The following RNF38 variants were observed in gnomAD, a reference collection of about 807,000 sequenced individuals.
The protein encoded by RNF38 is ring finger protein 38, also known as E3 ubiquitin-protein ligase RNF38.
A neutral mutation model predicts 67.2 loss-of-function variants in RNF38; 15 were observed. The ratio of observed to expected loss-of-function variants is 0.22; its 90% confidence interval spans 0.15 to 0.34. The LOEUF is 0.34. RNF38 is among the 10% of genes least tolerant of loss of function. RNF38 has a pLI of 1.00. For missense variants in RNF38, 524 were observed against 639.9 expected (o/e 0.82, Z 1.95); for synonymous variants, 220 against 218.8 (o/e 1.01, Z -0.05).
intron 5 of RNF38, among the ~76,000 whole-genome samples, 161 bp downstream of exon 5, chr9:36,357,614 T>C (rs982958676): frequency 2.6e-5 from 4 of 152,242 alleles, no homozygotes; most frequent in African/African-American, 7.2e-5. Flanking sequence ...ATTGGCCTTT[T>C]TACTTGAAAG....
At position 36,336,535 on chromosome 9, in the gene RNF38, T is replaced by G. The variant is rs1832452405; in HGVS notation, c.*3217A>C. The G allele has an allele frequency of 6.6e-6, 1 of 152,608 alleles. No homozygotes were observed. Among genetic ancestry groups the G allele is most frequent in the South Asian group, 2.1e-4 (1 of 4,832 alleles). The allele number at this position is 152,608 out of a possible 1,614,324, so 9.5% of individuals were successfully genotyped here. On this transcript the variant is annotated 3_prime_UTR_variant, in exon 12 of 12. Transcript: ENST00000259605. ...ACTTTCATAAAAAATGTACAAACTT[T>G]GTTAAAAATTTATCAAGCCTTCAAA...
intron 8 of RNF38, among the ~76,000 whole-genome samples, chr9:36,351,694 C>T (rs1481413448): frequency 6.6e-6 from 1 of 152,148 alleles, no homozygotes; most frequent in Non-Finnish European, 1.5e-5. Flanking sequence ...GTAACGTAAG[C>T]ACGTGGCCTT....
At chr9:36,378,726 C>A (rs1012209025) in intron 2 of RNF38, among the ~76,000 whole-genome samples, 11 of 152,028 alleles carry the variant, frequency 7.2e-5, no homozygotes, top group African/African-American at 2.7e-4. Flanking sequence ...AAATTGTGGG[C>A]TAAAAATGTT....
rs1015824315 is a variant in RNF38 at position 36,483,242 on chromosome 9, C to T, written n.241+4066G>A. Among the ~76,000 whole-genome samples the T allele has an allele frequency of 1.3e-5, 2 of 152,036 alleles. 1 individual carries two copies. Among genetic ancestry groups the T allele is most frequent in the South Asian group, 4.2e-4 (2 of 4,814 alleles). ...CTCTACTAAAAATATGAAAATTATC[C>T]GGGCATGGTGGCAGGCACCTGTAAT... On this transcript the variant is annotated intron_variant and non_coding_transcript_variant, in intron 1 of 3. Transcript: ENST00000488058.
Position 36,356,350 on chromosome 9 carries a change from G to A in RNF38, c.862C>T (p.Pro288Ser). The change falls in exon 6 of 12, where the codon CCA becomes TCA. Residue 288 changes from proline to serine, a missense_variant. Physicochemically the swap from Pro to Ser is moderately conservative, Grantham distance 74 (BLOSUM62 -1). Coordinates refer to ENST00000259605, the MANE Select transcript of RNF38 (RefSeq NM_022781.5). ...AAAGGGACAAACTGGCCTGGTGGTGGCAAATGAGGAGGATGATGGGGAGAA... is the reference window on the plus strand; with the variant it reads ...AAAGGGACAAACTGGCCTGGTGGTGACAAATGAGGAGGATGATGGGGAGAA... Reference protein sequence around the residue: ...HLSPHHPPHLPPPGQFVPFQT... With the variant: ...HLSPHHPPHLSPPGQFVPFQT... The A allele has an allele frequency of 1.2e-6, 2 of 1,614,032 alleles. No homozygotes were observed. The highest frequency in any genetic ancestry group is 1.3e-5 in the African/African-American group (1 of 75,018).
At chr9:36,441,872 TAAGA>T (rs1173069657) in intron 1 of RNF38, among the ~76,000 whole-genome samples, 2 of 152,196 alleles carry the variant, frequency 1.3e-5, no homozygotes, top group Non-Finnish European at 2.9e-5. Context: ...TGACAACTTC[TAAGA>T]AAGATTATTT....
In RNF38 at chr9:36,353,188, C is replaced by T. The variant is rs1833830878; in HGVS notation, c.1053G>A (p.Gln351=). 2 of 1,613,866 alleles carry T rather than the reference C, an allele frequency of 1.2e-6. No individual in the cohort carries two copies. The highest frequency in any genetic ancestry group is 1.3e-5 in the African/African-American group (1 of 74,882). ...AACTTACTACTCCAAAGGACACCTC[C>T]TGATGCAAAGGATCATGTGTTAAGA... ...LQFLTHDPLH[Q]EVSFGVPYPP... Residue 351 remains glutamine (Q), a synonymous_variant, in exon 7 of 12, where the codon CAG becomes CAA. Coordinates refer to ENST00000259605, the MANE Select transcript of RNF38 (RefSeq NM_022781.5).
chr9:36,398,327 AG>A (rs1416722005), intron 1 of RNF38, among the ~76,000 whole-genome samples: 1 of 152,192 alleles, frequency 6.6e-6, no homozygotes, highest in African/African-American at 2.4e-5. Context: ...CTAGTTACTC[AG>A]GAGGCCAAGA....
At chr9:36,393,243 A>C (rs1336513886) in intron 1 of RNF38, among the ~76,000 whole-genome samples, 2 of 152,190 alleles carry the variant, frequency 1.3e-5, no homozygotes, top group Non-Finnish European at 2.9e-5. Flanking sequence ...GATCTTGGTC[A>C]TAGACAAATG....
chr9:36,360,644 T>G (rs1423299717), intron 4 of RNF38, among the ~76,000 whole-genome samples: 1 of 152,224 alleles, frequency 6.6e-6, no homozygotes, highest in Non-Finnish European at 1.5e-5. Context: ...TCAACCCAAC[T>G]ATCATCTTTT....
chr9:36,429,025 G>C (rs1838859492), intron 1 of RNF38, among the ~76,000 whole-genome samples: 1 of 152,122 alleles, frequency 6.6e-6, no homozygotes, highest in African/African-American at 2.4e-5. Flanking sequence ...GTCTACCCTA[G>C]ACACTGGGAA....
chr9:36,380,363 C>T (rs1047588039), intron 2 of RNF38, among the ~76,000 whole-genome samples: 1 of 149,438 alleles, frequency 6.7e-6, no homozygotes, highest in African/African-American at 2.6e-5. Context: ...CCACACCCTG[C>T]TAATTTTGTA....
intron 1 of RNF38, among the ~76,000 whole-genome samples, chr9:36,466,085 T>C (rs1839856676): frequency 6.6e-6 from 1 of 152,156 alleles, no homozygotes; most frequent in African/African-American, 2.4e-5. Context: ...AAAGTGCTGA[T>C]ACATGTCACA....
chr9:36,438,738 G>C (rs1289670451), intron 1 of RNF38, among the ~76,000 whole-genome samples: 1 of 151,974 alleles, frequency 6.6e-6, no homozygotes, highest in African/African-American at 2.4e-5. Flanking sequence ...CTACCTGAAA[G>C]AAAGAATCTC....
chr9:36,350,930 T>G (rs1442247208), intron 9 of RNF38, among the ~76,000 whole-genome samples, 185 bp downstream of exon 9: 1 of 152,078 alleles, frequency 6.6e-6, no homozygotes, highest in Non-Finnish European at 1.5e-5. Flanking sequence ...TTTTTGCAAA[T>G]TTTTAAAAGG....
chr9:36,481,408 T>C (rs1840259274), intron 1 of RNF38, among the ~76,000 whole-genome samples: 1 of 152,184 alleles, frequency 6.6e-6, no homozygotes, highest in South Asian at 2.1e-4. Flanking sequence ...AGTTAACTGT[T>C]CTCAGCAGTC....
At chr9:36,477,217 G>A (rs1184886081) in intron 1 of RNF38, among the ~76,000 whole-genome samples, 1 of 151,662 alleles carries the variant, frequency 6.6e-6, no homozygotes, top group African/African-American at 2.4e-5. Flanking sequence ...CCAGCCACTC[G>A]GGAGGCTGAG....
chr9:36,445,488 T>C (rs1839279116), intron 1 of RNF38, among the ~76,000 whole-genome samples: 1 of 152,202 alleles, frequency 6.6e-6, no homozygotes, highest in Admixed American at 6.5e-5. Flanking sequence ...TCTACACAAT[T>C]TGAGTTTGGA....
intron 6 of RNF38, among the ~76,000 whole-genome samples, chr9:36,355,281 A>G (rs1210879957): frequency 2.0e-5 from 3 of 152,206 alleles, no homozygotes; most frequent in Non-Finnish European, 2.9e-5. Context: ...AGCCACTTCT[A>G]TAGGTTATCT....
Sources: allele counts gnomAD v4.1 joint callset (sites outside exome capture counted in the v4.1 genomes callset), GRCh38; gene constraint gnomAD v4.1.1; transcripts MANE v1.5; gene names NCBI Gene and HGNC (gene_info 2026-07-23, HGNC 2026-07-21).